The following POT1 variants were observed in gnomAD, a reference collection of about 807,000 sequenced individuals.
POT1 encodes the protein protection of telomeres 1.
In POT1, 47 loss-of-function variants were observed where a neutral mutation model predicts 78.5. That is an observed-to-expected ratio of 0.60 (90% CI 0.47 to 0.76). POT1 has a LOEUF of 0.76. POT1 is among the 30% of genes least tolerant of loss of function. The pLI is 0.00. For synonymous variants in POT1, 259 were observed against 260.7 expected (o/e 0.99, Z 0.06); for missense variants, 646 against 749.9 (o/e 0.86, Z 1.62).
chr7:124,838,383 G>C (rs1252037966), intron 14 of POT1, among the ~76,000 whole-genome samples: 1 of 151,804 alleles, frequency 6.6e-6, no homozygotes, highest in African/African-American at 2.4e-5. Flanking sequence ...ATCAAAGTTT[G>C]AATTTAACAT....
At chr7:124,871,700 T>C (rs938324043) in intron 6 of POT1, among the ~76,000 whole-genome samples, 1 of 151,450 alleles carries the variant, frequency 6.6e-6, no homozygotes, top group East Asian at 1.9e-4. Flanking sequence ...ACACTGGTGG[T>C]AGTAAAAACT....
intron 17 of POT1, among the ~76,000 whole-genome samples, chr7:124,826,267 T>C (rs66501705): frequency 0.057 from 8,605 of 152,246 alleles, 638 homozygotes; most frequent in African/African-American, 0.17. Flanking sequence ...CACAACTCTA[T>C]GGGGAGAGGA....
chr7:124,902,791 C>T (rs1482853765), intron 3 of POT1, among the ~76,000 whole-genome samples: 3 of 152,074 alleles, frequency 2.0e-5, no homozygotes, highest in Non-Finnish European at 4.4e-5. Context: ...ATCTCACATG[C>T]AGAGACAAAC....
intron 5 of POT1, among the ~76,000 whole-genome samples, chr7:124,893,833 G>A (rs1199335292): frequency 5.3e-5 from 8 of 151,488 alleles, no homozygotes; most frequent in African/African-American, 9.7e-5. Flanking sequence ...TAAAGACAGC[G>A]CAGGGAGACA....
chr7:124,866,260 T>C (rs890702136), intron 7 of POT1, among the ~76,000 whole-genome samples: 2 of 151,796 alleles, frequency 1.3e-5, no homozygotes, highest in Admixed American at 6.6e-5. Context: ...ATGTGTAGAA[T>C]AGGCCTTACT....
At chr7:124,908,235 C>T (rs981651339) in intron 3 of POT1, among the ~76,000 whole-genome samples, 1 of 151,978 alleles carries the variant, frequency 6.6e-6, no homozygotes, top group African/African-American at 2.4e-5. Flanking sequence ...AACCAAGGAC[C>T]TGACGGCGTT....
intron 9 of POT1, among the ~76,000 whole-genome samples, chr7:124,856,637 A>G (rs906800681): frequency 2.0e-5 from 3 of 152,202 alleles, no homozygotes; most frequent in Non-Finnish European, 4.4e-5. Context: ...CTAAGACAAG[A>G]AAAGCAGGAA....
At chr7:124,922,403 C>T (rs1797172772) in intron 2 of POT1, among the ~76,000 whole-genome samples, 1 of 151,870 alleles carries the variant, frequency 6.6e-6, no homozygotes, top group Non-Finnish European at 1.5e-5. Flanking sequence ...TAAACAAAAG[C>T]AGTAATATAA....
At chr7:124,852,087 A>T (rs1414652791) in intron 10 of POT1, 136 bp from the exon 11 acceptor site, 2 of 587,176 alleles carry the variant, frequency 3.4e-6, no homozygotes, top group Non-Finnish European at 6.0e-6. Flanking sequence ...TCAGTAAAGG[A>T]TCTATTGCTT....
intron 3 of POT1, among the ~76,000 whole-genome samples, chr7:124,904,492 A>G (rs1426605769): frequency 6.6e-6 from 1 of 152,218 alleles, no homozygotes; most frequent in Non-Finnish European, 1.5e-5. Context: ...GATGGGATGT[A>G]TCTCAAAATA....
chr7:124,848,848 A>C (rs1795235644), intron 11 of POT1, among the ~76,000 whole-genome samples: 1 of 152,138 alleles, frequency 6.6e-6, no homozygotes, highest in African/African-American at 2.4e-5. Flanking sequence ...AGGAAATAAA[A>C]GCGGAGATGG....
At chr7:124,902,003 C>A (rs762232592) in intron 3 of POT1, among the ~76,000 whole-genome samples, 13 of 152,070 alleles carry the variant, frequency 8.5e-5, no homozygotes, top group Non-Finnish European at 1.6e-4. Flanking sequence ...ATGAACAAAG[C>A]CTCCAAGAAA....
chr7:124,846,859 G>A, intron 12 of POT1, 83 bp downstream of exon 12: 1 of 969,530 alleles, frequency 1.0e-6, no homozygotes, highest in South Asian at 1.5e-5. Flanking sequence ...CTATTAGAAA[G>A]AAATGGATTA....
chr7:124,845,309 G>A (rs900852048), intron 12 of POT1, among the ~76,000 whole-genome samples: 5 of 151,906 alleles, frequency 3.3e-5, no homozygotes, highest in African/African-American at 1.2e-4. Flanking sequence ...ATAAGTCCTC[G>A]GCTTTTCTTT....
Position 124,846,979 on chromosome 7 carries a change from T to C in POT1, c.969A>G (p.Leu323=), listed in dbSNP as rs1166926609. ...GCTGTTGACATCTTTCTACCTCGTA[T>C]AATGATACTGATCCAGAGCCTATAA... The part of the protein sequence containing the change: ...DSFPSSGSVS[L]YEVERCQQLS... Residue 323 remains leucine (L), a synonymous_variant, in exon 12 of 19, where the codon TTA becomes TTG. Transcript: ENST00000357628. The C allele has an allele frequency of 1.2e-6, 2 of 1,606,022 alleles. No individual in the cohort carries two copies. Among genetic ancestry groups the C allele is most frequent in the Admixed American group, 1.7e-5 (1 of 59,994 alleles).
chr7:124,830,652 C>A (rs1794737633), intron 15 of POT1, among the ~76,000 whole-genome samples: 1 of 151,990 alleles, frequency 6.6e-6, no homozygotes, highest in Admixed American at 6.6e-5. Context: ...GAAACATAAA[C>A]TAAATATATC....
chr7:124,877,840 CA>C (rs201285982), intron 6 of POT1, among the ~76,000 whole-genome samples: 38 of 80,546 alleles, frequency 4.7e-4, no homozygotes, highest in African/African-American at 9.5e-4. Context: ...GATTCTGTCT[CA>C]AAAAAAAAAA....
chr7:124,874,771 AG>A (rs1286611588), intron 6 of POT1, among the ~76,000 whole-genome samples: 1 of 151,096 alleles, frequency 6.6e-6, no homozygotes, highest in African/African-American at 2.4e-5. Flanking sequence ...AAATGAGGTT[AG>A]GAAGACAAAG....
rs571449943 is a variant in POT1, at chr7:124,888,313, C to T, written c.124+3953G>A. 5.9e-5 allele frequency among the ~76,000 whole-genome samples: 9 copies of T among 152,140 alleles called. No homozygotes were observed. The East Asian group carries it at 1.5e-3, about 26-fold the overall frequency. ...TTATTTCTAGGCGCTCTATTCAATT[C>T]CATTAATCAGTATGTCTGGCTTCAT... On this transcript the variant is annotated intron_variant, in intron 6 of 18. Transcript: ENST00000357628.
Sources: gnomAD v4.1 joint callset for allele counts (sites outside exome capture counted in the v4.1 genomes callset) on GRCh38, gnomAD v4.1.1 for gene constraint, MANE v1.5 for transcripts, NCBI Gene and HGNC (gene_info 2026-07-23, HGNC 2026-07-21) for gene names.